The following IL1RAPL2 variants were observed in gnomAD, a reference collection of about 807,000 sequenced individuals.
IL1RAPL2 encodes the protein interleukin 1 receptor accessory protein like 2.
IL1RAPL2 carries 3 observed loss-of-function variants against 44.1 expected under a neutral mutation model. The ratio of observed to expected loss-of-function variants is 0.07; its 90% CI spans 0.03 to 0.18. The LOEUF is 0.18. IL1RAPL2 is among the 10% of genes least tolerant of loss of function. The probability of loss-of-function intolerance (pLI) is 1.00; values close to 1 mark genes in which losing one functional copy is unlikely to be tolerated. For synonymous variants in IL1RAPL2, 181 were observed against 178.8 expected, an observed-to-expected ratio of 1.01 and a Z score of -0.10; for missense variants, 391 against 496.4, an observed-to-expected ratio of 0.79 and a Z score of 2.02.
At chrX:104,891,768 T>G (rs1602787571) in intron 2 of IL1RAPL2, among the ~76,000 whole-genome samples, 1 of 111,709 alleles carries the variant, frequency 9.0e-6, no homozygotes, top group Admixed American at 9.6e-5. Flanking sequence ...CCTCTTTTCC[T>G]AATTGAATAC....
chrX:105,693,661 A>G lies in IL1RAPL2; in HGVS notation c.773-23706A>G, dbSNP rs1289555908. Among the ~76,000 whole-genome samples the G allele has an allele frequency of 3.6e-5, 4 of 111,878 alleles. No homozygotes were observed. The East Asian group carries it at 1.1e-3, about 32-fold the overall frequency. ...ATAAAACAGACTAACACAGACCTTGAGTTGAAGAGATTATTCTAGATTATC... is the reference window on the plus strand; with the variant it reads ...ATAAAACAGACTAACACAGACCTTGGGTTGAAGAGATTATTCTAGATTATC... On this transcript the variant is annotated intron_variant, in intron 6 of 10. Coordinates refer to ENST00000372582, the MANE Select transcript of IL1RAPL2 (RefSeq NM_017416.2).
intron 6 of IL1RAPL2, among the ~76,000 whole-genome samples, chrX:105,540,374 T>C (rs1260082056): frequency 1.8e-5 from 2 of 111,132 alleles, no homozygotes; most frequent in Admixed American, 9.6e-5. Context: ...TGAAATCATG[T>C]CATTTGCAGC....
chrX:105,496,575 C>A (rs1031325348), intron 6 of IL1RAPL2, among the ~76,000 whole-genome samples: 1 of 112,000 alleles, frequency 8.9e-6, no homozygotes, highest in Non-Finnish European at 1.9e-5. Context: ...TAATTAATTT[C>A]TTTGGTAGTT....
At chrX:105,117,658 C>G (rs2032875987) in intron 2 of IL1RAPL2, among the ~76,000 whole-genome samples, 2 of 111,576 alleles carry the variant, frequency 1.8e-5, no homozygotes, top group East Asian at 2.8e-4. Flanking sequence ...CTTTTCCCCC[C>G]TTTGCTCAGC....
intron 1 of IL1RAPL2, among the ~76,000 whole-genome samples, chrX:104,572,126 T>G (rs1451535539): frequency 8.9e-6 from 1 of 111,890 alleles, no homozygotes; most frequent in Non-Finnish European, 1.9e-5. Flanking sequence ...TTACCTTGCT[T>G]AATATTTATA....
chrX:105,048,977 C>T (rs1392202440), intron 2 of IL1RAPL2, among the ~76,000 whole-genome samples: 1 of 111,446 alleles, frequency 9.0e-6, no homozygotes, highest in African/African-American at 3.3e-5. Context: ...CAATTTGTAT[C>T]ATCCTTGATG....
intron 3 of IL1RAPL2, among the ~76,000 whole-genome samples, chrX:105,228,741 G>C (rs1333228250): frequency 8.9e-6 from 1 of 112,003 alleles, no homozygotes; most frequent in Admixed American, 9.5e-5. Flanking sequence ...AAGTTAGTTT[G>C]ACTGTTGAGC....
intron 6 of IL1RAPL2, among the ~76,000 whole-genome samples, chrX:105,552,413 G>T (rs1669050006): frequency 8.9e-6 from 1 of 112,335 alleles, no homozygotes; most frequent in Non-Finnish European, 1.9e-5. Flanking sequence ...GTGGCAGAGA[G>T]AGTCTAATTA....
At chrX:105,138,473 C>CAAAAAAAA (rs371757842) in intron 2 of IL1RAPL2, among the ~76,000 whole-genome samples, 4 of 54,480 alleles carry the variant, frequency 7.3e-5, no homozygotes, top group African/African-American at 1.4e-4. Context: ...ATATAATTAC[C>CAAAAAAAA]AAAAAAAAAA....
At position 105,300,039 on chromosome X, in the gene IL1RAPL2, A is replaced by G. The variant is rs751441765; in HGVS notation, c.697+32498A>G. The stretch of plus-strand genomic sequence containing the variant: ...GTAAATGGTCTTGAGTGCCAAGTCT[A>G]GAGTTTTGACTCTGCATGGCAAAAA... On this transcript the variant is annotated intron_variant, in intron 5 of 10. Coordinates refer to ENST00000372582, the MANE Select transcript of IL1RAPL2 (RefSeq NM_017416.2). Among the ~76,000 whole-genome samples the G allele has an allele frequency of 2.2e-4, 25 of 111,591 alleles. No homozygotes were observed. The South Asian group carries it at 8.7e-3, about 39-fold the overall frequency.
intron 2 of IL1RAPL2, among the ~76,000 whole-genome samples, chrX:105,096,951 T>C (rs1399499615): frequency 3.6e-5 from 4 of 111,451 alleles, no homozygotes; most frequent in Admixed American, 9.5e-5. Context: ...TACAAAAATC[T>C]ATCACTTGCC....
chrX:105,057,649 A>G (rs930750589), intron 2 of IL1RAPL2, among the ~76,000 whole-genome samples: 1 of 112,228 alleles, frequency 8.9e-6, no homozygotes, highest in African/African-American at 3.2e-5. Flanking sequence ...TGGGGAAGGA[A>G]GTGAAGCTGT....
chrX:104,735,957 T>C (rs1327737771), intron 2 of IL1RAPL2, among the ~76,000 whole-genome samples: 1 of 111,383 alleles, frequency 9.0e-6, no homozygotes, highest in Non-Finnish European at 1.9e-5. Context: ...CCACCCTATC[T>C]ATCTAAGCTC....
rs188340106 is a variant in IL1RAPL2 at position 105,568,803 on chromosome X, C to T, written c.772+84416C>T. 1.5e-3 allele frequency among the ~76,000 whole-genome samples: 167 copies of T among 111,589 alleles called. 2 individuals carry two copies. The highest frequency in any genetic ancestry group is 2.4e-3 in the Non-Finnish European group (126 of 52,983). Reference sequence around the variant, plus strand: ...TCATTGAATTCTCACTTTCCATTACCGGATTATGTGGAATGCTGGCTTTAA... The same window carrying T: ...TCATTGAATTCTCACTTTCCATTACTGGATTATGTGGAATGCTGGCTTTAA... On this transcript the variant is annotated intron_variant, in intron 6 of 10. Coordinates refer to ENST00000372582, the MANE Select transcript of IL1RAPL2 (RefSeq NM_017416.2).
At chrX:105,170,716 A>G (rs2033416080) in intron 2 of IL1RAPL2, among the ~76,000 whole-genome samples, 1 of 112,191 alleles carries the variant, frequency 8.9e-6, no homozygotes, top group African/African-American at 3.2e-5. Context: ...CAGTCAAGAA[A>G]TTTCTTTTCT....
intron 4 of IL1RAPL2, among the ~76,000 whole-genome samples, chrX:105,249,484 A>G (rs750024360): frequency 6.7e-4 from 75 of 111,874 alleles, no homozygotes; most frequent in African/African-American, 2.4e-3. Context: ...CCATTTTAAA[A>G]TAAAAAGTAC....
chrX:105,477,817 C>G (rs749542464), intron 5 of IL1RAPL2, among the ~76,000 whole-genome samples: 103 of 111,930 alleles, frequency 9.2e-4, no homozygotes, highest in Non-Finnish European at 1.4e-3. Context: ...TGCTATTGCT[C>G]TCTTTTGGAA....
intron 2 of IL1RAPL2, among the ~76,000 whole-genome samples, chrX:104,964,073 ATCAAT>A (rs1296386564): frequency 9.1e-6 from 1 of 110,244 alleles, no homozygotes; most frequent in East Asian, 2.9e-4. Context: ...AAATTCATTG[ATCAAT>A]TCAGGAAGCA....
intron 2 of IL1RAPL2, among the ~76,000 whole-genome samples, chrX:104,983,691 A>T (rs1015893262): frequency 6.3e-4 from 63 of 100,733 alleles, no homozygotes; most frequent in African/African-American, 2.2e-3. Context: ...ACATAATATT[A>T]ACATAATATT....
Sources: gnomAD v4.1 joint callset for allele counts (sites outside exome capture counted in the v4.1 genomes callset) on GRCh38, gnomAD v4.1.1 for gene constraint, MANE v1.5 for transcripts, NCBI Gene and HGNC (gene_info 2026-07-23, HGNC 2026-07-21) for gene names.